LSAMP: variants seen among roughly 807,000 people sequenced by gnomAD.
LSAMP encodes limbic system associated membrane protein, also known as limbic system-associated membrane protein.
LSAMP carries 7 observed loss-of-function variants against 38.6 expected under a neutral mutation model. That is an observed-to-expected ratio of 0.18 (90% CI 0.10 to 0.34). LSAMP has a LOEUF of 0.34. Among genes scored for constraint, LSAMP ranks in the 10% least tolerant of loss-of-function variants. The probability of loss-of-function intolerance (pLI) is 1.00; values close to 1 mark genes in which losing one functional copy is unlikely to be tolerated. For synonymous variants in LSAMP, 154 were observed against 166.8 expected, an observed-to-expected ratio of 0.92 and a Z score of 0.59; for missense variants, 313 against 420.0, an observed-to-expected ratio of 0.75 and a Z score of 2.23.
At chr3:116,269,872 G>A (rs1292028024) in intron 1 of LSAMP, among the ~76,000 whole-genome samples, 1 of 152,108 alleles carries the variant, frequency 6.6e-6, no homozygotes, top group Non-Finnish European at 1.5e-5. Context: ...CCCAAACATT[G>A]TATAAGCATA....
At chr3:116,158,025 T>A (rs1015271134) in intron 1 of LSAMP, among the ~76,000 whole-genome samples, 7 of 152,176 alleles carry the variant, frequency 4.6e-5, no homozygotes, top group African/African-American at 1.7e-4. Flanking sequence ...GTAGGCTTTA[T>A]TCCTGGGAGG....
intron 1 of LSAMP, among the ~76,000 whole-genome samples, chr3:116,119,919 A>G (rs1708837891): frequency 6.6e-6 from 1 of 152,110 alleles, no homozygotes; most frequent in Admixed American, 6.5e-5. Flanking sequence ...TTGGCCTCCC[A>G]AAGTGCTGGG....
chr3:116,238,546 C>T (rs2046493848), intron 1 of LSAMP, among the ~76,000 whole-genome samples: 1 of 152,220 alleles, frequency 6.6e-6, no homozygotes, highest in South Asian at 2.1e-4. Flanking sequence ...CCCTGTGGCC[C>T]CAACTTGGGT....
At chr3:115,880,783 G>A (rs1232441862) in intron 3 of LSAMP, among the ~76,000 whole-genome samples, 2 of 152,142 alleles carry the variant, frequency 1.3e-5, no homozygotes, top group Admixed American at 6.6e-5. Context: ...AGTAATCCCA[G>A]CACTTTGGGA....
intron 3 of LSAMP, among the ~76,000 whole-genome samples, chr3:115,880,468 A>C (rs902527700): frequency 6.6e-6 from 1 of 152,158 alleles, no homozygotes; most frequent in Non-Finnish European, 1.5e-5. Flanking sequence ...GCACCAACAA[A>C]TATAAATATT....
chr3:115,816,737 G>A (rs1297480407), intron 6 of LSAMP: 1 of 642,512 alleles, frequency 1.6e-6, no homozygotes, highest in Non-Finnish European at 2.4e-6. Flanking sequence ...ATTCTCCACT[G>A]AAAGGCGAAT....
intron 1 of LSAMP, among the ~76,000 whole-genome samples, chr3:116,166,400 A>C (rs1710050731): frequency 6.6e-6 from 1 of 152,208 alleles, no homozygotes; most frequent in South Asian, 2.1e-4. Context: ...TGTATCCACA[A>C]AATTACAAGT....
At chr3:116,066,859 C>A (rs1056686268) in intron 2 of LSAMP, among the ~76,000 whole-genome samples, 3 of 152,160 alleles carry the variant, frequency 2.0e-5, no homozygotes, top group African/African-American at 7.2e-5. Context: ...CTCCTATTTC[C>A]TTTAAGCTAC....
At chr3:116,343,012 T>C (rs2048017152) in intron 1 of LSAMP, among the ~76,000 whole-genome samples, 1 of 152,090 alleles carries the variant, frequency 6.6e-6, no homozygotes, top group South Asian at 2.1e-4. Flanking sequence ...GTATTTACAA[T>C]ACTAAGGAGA....
chr3:116,208,421 T>C (rs1054432306), intron 1 of LSAMP, among the ~76,000 whole-genome samples: 14 of 152,228 alleles, frequency 9.2e-5, no homozygotes, highest in Admixed American at 7.2e-4. Flanking sequence ...ATTCTCCGTC[T>C]AGCTTTGTTC....
At chr3:115,821,787 A>G (rs7628605) in intron 6 of LSAMP, among the ~76,000 whole-genome samples, 11,013 of 152,250 alleles carry the variant, frequency 0.072, 645 homozygotes, top group African/African-American at 0.16. Context: ...TAAGAAATGT[A>G]ATAAAAGAAA....
intron 1 of LSAMP, among the ~76,000 whole-genome samples, chr3:116,372,913 A>C (rs1177270656): frequency 6.6e-6 from 1 of 151,336 alleles, no homozygotes; most frequent in Non-Finnish European, 1.5e-5. Context: ...GAAGCAAATA[A>C]ATTAAAACAA....
At chr3:115,878,485 A>G (rs1472911058) in intron 3 of LSAMP, among the ~76,000 whole-genome samples, 1 of 107,242 alleles carries the variant, frequency 9.3e-6, no homozygotes, top group Non-Finnish European at 1.8e-5. Context: ...TTTTTTTGAC[A>G]GACTCTTGCT....
At chr3:116,220,196 A>ACACACACACACT (rs1315404481) in intron 1 of LSAMP, among the ~76,000 whole-genome samples, 2 of 151,846 alleles carry the variant, frequency 1.3e-5, no homozygotes, top group Non-Finnish European at 2.9e-5. Flanking sequence ...ACACACACAC[A>ACACACACACACT]CACACACACA....
chr3:115,913,919 A>AGACCT (rs548251253), intron 3 of LSAMP, among the ~76,000 whole-genome samples: 89 of 152,330 alleles, frequency 5.8e-4, no homozygotes, highest in African/African-American at 2.0e-3. Flanking sequence ...AACCCTGTGT[A>AGACCT]GACCTTGAAA....
intron 3 of LSAMP, among the ~76,000 whole-genome samples, chr3:115,995,343 G>T (rs993323602): frequency 6.6e-6 from 1 of 152,020 alleles, no homozygotes; most frequent in Non-Finnish European, 1.5e-5. Flanking sequence ...GACAAGGGGG[G>T]CTTTTTCCTC....
chr3:115,936,619 G>A (rs1034085818), intron 3 of LSAMP, among the ~76,000 whole-genome samples: 1 of 152,126 alleles, frequency 6.6e-6, no homozygotes, highest in African/African-American at 2.4e-5. Context: ...AGACATTTAG[G>A]TGATAAGAGA....
intron 1 of LSAMP, among the ~76,000 whole-genome samples, chr3:116,375,086 A>T (rs1373788332): frequency 6.6e-6 from 1 of 151,982 alleles, no homozygotes; most frequent in Non-Finnish European, 1.5e-5. Context: ...CAGAAAACAT[A>T]TGTGAAAATT....
At chr3:116,275,995 G>A (rs1046553559) in intron 1 of LSAMP, among the ~76,000 whole-genome samples, 1 of 152,276 alleles carries the variant, frequency 6.6e-6, no homozygotes, top group East Asian at 1.9e-4. Context: ...ACATGCATGA[G>A]GAGACAGAAA....
Sources: allele counts gnomAD v4.1 joint callset (sites outside exome capture counted in the v4.1 genomes callset), GRCh38; gene constraint gnomAD v4.1.1; transcripts MANE v1.5; gene names NCBI Gene and HGNC (gene_info 2026-07-23, HGNC 2026-07-21).